Variants in CCDC14 observed in about 807,000 individuals in gnomAD.
CCDC14 encodes coiled-coil domain containing 14.
In CCDC14, 71 loss-of-function variants were observed where a neutral mutation model predicts 81.4. The observed-to-expected ratio is 0.87, with a 90% CI of 0.72 to 1.06. The LOEUF (loss-of-function observed/expected upper bound fraction) is 1.06, where lower values mean the gene tolerates loss of function less well. CCDC14 is among the 50% of genes least tolerant of loss of function. CCDC14 has a pLI of 0.00. For synonymous variants in CCDC14, 332 were observed against 364.8 expected, an observed-to-expected ratio of 0.91 and a Z score of 1.03; for missense variants, 1,046 against 1,047.3, an observed-to-expected ratio of 1.00 and a Z score of 0.02.
Position 123,947,225 on chromosome 3 carries a change from C to T in CCDC14, c.779G>A (p.Ser260Asn), listed in dbSNP as rs922240644. The T allele has an allele frequency of 6.2e-7, 1 of 1,613,894 alleles. No individual in the cohort carries two copies. ...GGGCAGGCTACATGGAACTCCAGGACTGGTATTAAATGAATTCCGTAGAAC... is the reference window on the plus strand; with the variant it reads ...GGGCAGGCTACATGGAACTCCAGGATTGGTATTAAATGAATTCCGTAGAAC... ...TDVLRNSFNT[S>N]PGVPCSLPKT... is the part of the protein sequence containing the mutation. The change falls in exon 8 of 13, where the codon AGT becomes AAT. Residue 260 changes from serine (S) to asparagine (N), a missense_variant. Ser to Asn is a conservative substitution (Grantham distance 46). Transcript: ENST00000409697.
downstream of CCDC14, among the ~76,000 whole-genome samples, chr3:123,912,907 C>A (rs150005720): frequency 5.9e-4 from 90 of 152,220 alleles, no homozygotes; most frequent in Non-Finnish European, 1.1e-3. Flanking sequence ...GGTTGGTCTA[C>A]CACGGTACAT....
intron 9 of CCDC14, among the ~76,000 whole-genome samples, chr3:123,943,019 G>T (rs1473033855): frequency 1.3e-5 from 2 of 151,716 alleles, no homozygotes; most frequent in Non-Finnish European, 2.9e-5. Context: ...GTGTATAGAA[G>T]TAAGTATATA....
At chr3:123,922,458 T>C (rs186020914) in intron 12 of CCDC14, among the ~76,000 whole-genome samples, 7 of 151,972 alleles carry the variant, frequency 4.6e-5, no homozygotes, top group East Asian at 1.9e-4. Flanking sequence ...ATAAACAAAA[T>C]TGACAAACCC....
intron 5 of CCDC14, chr3:123,954,803 A>C (rs1189571005): frequency 6.6e-6 from 1 of 152,150 alleles, no homozygotes. Flanking sequence ...CAGTTTTCTA[A>C]TTTAATTTTA....
intron 9 of CCDC14, among the ~76,000 whole-genome samples, chr3:123,940,539 TTTC>T (rs1339842726): frequency 1.7e-4 from 26 of 151,980 alleles, no homozygotes; most frequent in Non-Finnish European, 1.2e-4. Flanking sequence ...TATAAATTGT[TTTC>T]TTCCTGTGAC....
intron 5 of CCDC14, among the ~76,000 whole-genome samples, chr3:123,903,804 T>TA (rs1553708281): frequency 1.3e-5 from 1 of 76,898 alleles, no homozygotes; most frequent in African/African-American, 5.3e-5. Flanking sequence ...AGGTCCGGAG[T>TA]AAAAAGTTCC....
intron 9 of CCDC14, among the ~76,000 whole-genome samples, chr3:123,937,395 AT>A (rs2036112103): frequency 6.6e-6 from 1 of 151,964 alleles, no homozygotes; most frequent in South Asian, 2.1e-4. Context: ...CATGGTTTTA[AT>A]TTTCACTTTC....
intron 2 of CCDC14, 150 bp downstream of exon 2, chr3:123,956,590 G>T: frequency 2.7e-6 from 2 of 742,396 alleles, no homozygotes; most frequent in Non-Finnish European, 4.4e-6. Context: ...ATACTAAAAT[G>T]ATTAACATGG....
chr3:123,921,312 A>G (rs1221447982), intron 12 of CCDC14, among the ~76,000 whole-genome samples: 2 of 152,358 alleles, frequency 1.3e-5, no homozygotes, highest in Admixed American at 6.5e-5. Context: ...AAGCACACAC[A>G]TAGACGGAAA....
rs899207494 is a variant in CCDC14 at position 123,917,090 on chromosome 3, G to A, written c.1779-1372C>T. 6.6e-5 allele frequency among the ~76,000 whole-genome samples: 10 copies of A among 151,532 alleles called. 1 individual carries two copies. The highest frequency in any genetic ancestry group is 6.6e-4 in the Admixed American group (10 of 15,208). On this transcript the variant is annotated intron_variant, in intron 12 of 12. Transcript: ENST00000409697. ...GATCTCCTGACCTCGTGATCCACCC[G>A]CCTCGGCCTCCCAAAGTGCTGGAAT...
intron 1 of CCDC14, chr3:123,958,935 T>C (rs2037504294): frequency 6.6e-6 from 1 of 152,232 alleles, no homozygotes; most frequent in African/African-American, 2.4e-5. Context: ...TAGCATAATG[T>C]CTTCAAGTTT....
chr3:123,904,273 G>A (rs545762590), intron 5 of CCDC14, among the ~76,000 whole-genome samples: 6 of 152,026 alleles, frequency 3.9e-5, no homozygotes, highest in Non-Finnish European at 7.4e-5. Context: ...ACAACGACCA[G>A]CTATCTCTGA....
chr3:123,923,965 A>C (rs1389919996), intron 12 of CCDC14, among the ~76,000 whole-genome samples: 1 of 81,658 alleles, frequency 1.2e-5, no homozygotes, highest in Non-Finnish European at 2.9e-5. Flanking sequence ...ATACAGAATC[A>C]TTAAAAAAAA....
At chr3:123,953,339 A>C (rs1189704596) in intron 5 of CCDC14, 1 of 152,248 alleles carries the variant, frequency 6.6e-6, no homozygotes, top group East Asian at 1.9e-4. Context: ...ATTACTGCTT[A>C]CTACCAAAGT....
At chr3:123,939,017 A>G (rs1450023060) in intron 9 of CCDC14, among the ~76,000 whole-genome samples, 1 of 151,610 alleles carries the variant, frequency 6.6e-6, no homozygotes, top group Admixed American at 6.6e-5. Flanking sequence ...ACATCTGTCT[A>G]CTCTTTTGTT....
chr3:123,886,855 T>A, the CCDC14 span, among the ~76,000 whole-genome samples: 30 of 152,348 alleles, frequency 2.0e-4, no homozygotes, highest in African/African-American at 7.0e-4. Flanking sequence ...TTATTCTTCA[T>A]AATATTTTCA....
At chr3:123,953,692 T>C (rs779262284) in intron 5 of CCDC14, 16 of 152,218 alleles carry the variant, frequency 1.1e-4, no homozygotes, top group African/African-American at 2.2e-4. Flanking sequence ...AGTCAGGATA[T>C]ACACTTATTC....
chr3:123,895,582 T>C (rs1021180908), downstream of CCDC14, among the ~76,000 whole-genome samples: 1 of 152,148 alleles, frequency 6.6e-6, no homozygotes, highest in African/African-American at 2.4e-5. Context: ...CCCCCAGAAA[T>C]TGATTCAGTT....
intron 12 of CCDC14, among the ~76,000 whole-genome samples, chr3:123,926,281 G>T (rs1396582910): frequency 3.3e-5 from 5 of 151,826 alleles, no homozygotes; most frequent in Admixed American, 6.6e-5. Context: ...TAAGAAATAT[G>T]AAAACGTTAA....
Sources: gnomAD v4.1 joint callset for allele counts (sites outside exome capture counted in the v4.1 genomes callset) on GRCh38, gnomAD v4.1.1 for gene constraint, MANE v1.5 for transcripts, NCBI Gene and HGNC (gene_info 2026-07-23, HGNC 2026-07-21) for gene names.